The following GRIA1 variants were observed in gnomAD, a reference collection of about 807,000 sequenced individuals.
GRIA1 encodes glutamate ionotropic receptor AMPA type subunit 1.
GRIA1 carries 31 observed loss-of-function variants against 99.2 expected under a neutral mutation model. The observed-to-expected ratio is 0.31, with a 90% CI of 0.23 to 0.42. The LOEUF is 0.42. GRIA1 is among the 10% of genes least tolerant of loss of function. The pLI is 1.00. For missense variants in GRIA1, 782 were observed against 1,157.5 expected, an observed-to-expected ratio of 0.68 and a Z score of 4.71; for synonymous variants, 438 against 432.4, an observed-to-expected ratio of 1.01 and a Z score of -0.16.
At chr5:153,757,508 T>C (rs1317898712) in intron 11 of GRIA1, among the ~76,000 whole-genome samples, 2 of 152,148 alleles carry the variant, frequency 1.3e-5, no homozygotes, top group African/African-American at 2.4e-5. Flanking sequence ...AATCAAATTT[T>C]CAAAGATCAA....
intron 2 of GRIA1, among the ~76,000 whole-genome samples, chr5:153,621,967 T>C (rs1034674498): frequency 2.6e-5 from 4 of 152,178 alleles, no homozygotes; most frequent in African/African-American, 9.7e-5. Flanking sequence ...CAAATGGAGA[T>C]CATCACCATT....
At chr5:153,567,720 G>A (rs1174722416) in intron 2 of GRIA1, among the ~76,000 whole-genome samples, 2 of 152,188 alleles carry the variant, frequency 1.3e-5, no homozygotes, top group African/African-American at 4.8e-5. Context: ...TGGAGCAAAA[G>A]CATTCAAGAT....
chr5:153,708,263 G>A (rs547236070), intron 11 of GRIA1, among the ~76,000 whole-genome samples: 1 of 152,202 alleles, frequency 6.6e-6, no homozygotes, highest in South Asian at 2.1e-4. Context: ...ACAGGTCCGC[G>A]CATTCACGGT....
chr5:153,810,396 G>A (rs942205789), intron 15 of GRIA1, among the ~76,000 whole-genome samples: 2 of 152,138 alleles, frequency 1.3e-5, no homozygotes, highest in African/African-American at 2.4e-5. Context: ...AACACATGCC[G>A]CTATAGAGGT....
intron 4 of GRIA1, among the ~76,000 whole-genome samples, chr5:153,653,532 T>C (rs1014741120): frequency 2.6e-5 from 4 of 152,226 alleles, no homozygotes; most frequent in African/African-American, 9.6e-5. Flanking sequence ...CAATATATGA[T>C]GCCAAAGCAT....
chr5:153,509,733 A>G (rs753306196), intron 2 of GRIA1, among the ~76,000 whole-genome samples: 2 of 152,220 alleles, frequency 1.3e-5, no homozygotes, highest in Non-Finnish European at 2.9e-5. Context: ...GGCAGTAATC[A>G]TACACTCCTT....
chr5:153,795,355 G>A (rs1581669845), intron 14 of GRIA1: 3 of 624,406 alleles, frequency 4.8e-6, no homozygotes, highest in East Asian at 3.0e-5. Flanking sequence ...GTATTTTAGA[G>A]TATCACTTTG....
intron 11 of GRIA1, among the ~76,000 whole-genome samples, chr5:153,740,908 T>G (rs1011972147): frequency 6.7e-6 from 1 of 150,202 alleles, no homozygotes; most frequent in Non-Finnish European, 1.5e-5. Context: ...ATACGTAACC[T>G]GAGCAAGAAA....
chr5:153,528,339 C>G (rs539936222), intron 2 of GRIA1, among the ~76,000 whole-genome samples: 2 of 152,150 alleles, frequency 1.3e-5, no homozygotes, highest in East Asian at 3.9e-4. Context: ...GGGATTGTGT[C>G]TTTCAGGATT....
At chr5:153,656,097 T>C (rs1382079873) in intron 5 of GRIA1, among the ~76,000 whole-genome samples, 1 of 152,146 alleles carries the variant, frequency 6.6e-6, no homozygotes, top group Non-Finnish European at 1.5e-5. Context: ...GAGAGCATAC[T>C]GGTGGGCACG....
chr5:153,637,624 C>T (rs191407414), intron 2 of GRIA1, among the ~76,000 whole-genome samples: 42 of 152,294 alleles, frequency 2.8e-4, no homozygotes, highest in Admixed American at 2.4e-3. Context: ...TGTAAATCTT[C>T]TTTCCTGGGG....
chr5:153,494,836 C>T (rs188532758), intron 2 of GRIA1, among the ~76,000 whole-genome samples: 1 of 152,296 alleles, frequency 6.6e-6, no homozygotes, highest in East Asian at 1.9e-4. Flanking sequence ...AACATATTTT[C>T]CCTTCAGGGA....
At chr5:153,572,331 G>A (rs548406689) in intron 2 of GRIA1, among the ~76,000 whole-genome samples, 5 of 152,256 alleles carry the variant, frequency 3.3e-5, no homozygotes, top group Admixed American at 1.3e-4. Context: ...GAGATGACCC[G>A]CAAAGAGTAC....
chr5:153,788,011 C>T (rs1176396253), intron 13 of GRIA1, among the ~76,000 whole-genome samples: 1 of 151,892 alleles, frequency 6.6e-6, no homozygotes, highest in Non-Finnish European at 1.5e-5. Flanking sequence ...ACCCAGGAGG[C>T]GTAGCTTGCA....
intron 12 of GRIA1, among the ~76,000 whole-genome samples, chr5:153,769,044 C>T (rs962765547): frequency 6.6e-6 from 1 of 152,190 alleles, no homozygotes. Context: ...GACGGACCCA[C>T]AGGAGGGAAG....
At chr5:153,561,848 T>G in intron 2 of GRIA1, among the ~76,000 whole-genome samples, 1 of 152,258 alleles carries the variant, frequency 6.6e-6, no homozygotes, top group South Asian at 2.1e-4. Context: ...TGGAGGGTAG[T>G]GTGAGGATAA....
Position 153,767,893 on chromosome 5 carries a change from A to G in GRIA1, c.2023-2275A>G, listed in dbSNP as rs1191430061. ...CATTCCTGGAGATTAGATTTTCCTGATAGTTCATCCCAAGTGTCTGTGTGC... is the reference window on the plus strand; with the variant it reads ...CATTCCTGGAGATTAGATTTTCCTGGTAGTTCATCCCAAGTGTCTGTGTGC... On this transcript the variant is annotated intron_variant, in intron 12 of 15. Transcript: ENST00000285900. Among the ~76,000 whole-genome samples, 4 of 152,306 alleles carry G rather than the reference A, an allele frequency of 2.6e-5. No homozygotes were observed. The South Asian group carries it at 8.3e-4, about 32-fold the overall frequency.
chr5:153,788,209 G>C (rs953788432), intron 13 of GRIA1, among the ~76,000 whole-genome samples: 1 of 152,016 alleles, frequency 6.6e-6, no homozygotes, highest in Non-Finnish European at 1.5e-5. Flanking sequence ...GGAAAAATCA[G>C]CTCGAATCTT....
chr5:153,635,235 C>G (rs945356388), intron 2 of GRIA1, among the ~76,000 whole-genome samples: 2 of 152,136 alleles, frequency 1.3e-5, no homozygotes, highest in Non-Finnish European at 2.9e-5. Context: ...TTAAGACAGC[C>G]AAAGGAAGAG....
Sources: gnomAD v4.1 joint callset for allele counts (sites outside exome capture counted in the v4.1 genomes callset) on GRCh38, gnomAD v4.1.1 for gene constraint, MANE v1.5 for transcripts, NCBI Gene and HGNC (gene_info 2026-07-23, HGNC 2026-07-21) for gene names.